Variants in GABRG2 observed in about 807,000 individuals in gnomAD.
The protein encoded by GABRG2 is gamma-aminobutyric acid type A receptor subunit gamma2.
A neutral mutation model predicts 56.4 loss-of-function variants in GABRG2; 16 were observed. That is an observed-to-expected ratio of 0.28 (90% CI 0.19 to 0.43). GABRG2 has a LOEUF of 0.43. Ranked by LOEUF, GABRG2 falls within the 20% of genes least tolerant of loss-of-function variation. The pLI is 1.00. For synonymous variants in GABRG2, 208 were observed against 205.5 expected (o/e 1.01, Z -0.10); for missense variants, 327 against 582.7 (o/e 0.56, Z 4.52).
At chr5:162,111,168 C>G (rs1480974789) in intron 6 of GABRG2, among the ~76,000 whole-genome samples, 1 of 151,968 alleles carries the variant, frequency 6.6e-6, no homozygotes, top group East Asian at 1.9e-4. Flanking sequence ...AATAAAATTT[C>G]AAAACAAATA....
intron 2 of GABRG2, 34 bp from the exon 3 acceptor site, chr5:162,095,461 C>T (rs550879305): frequency 1.3e-5 from 17 of 1,310,378 alleles, no homozygotes; most frequent in Non-Finnish European, 1.9e-5. Flanking sequence ...TTGCACCTCT[C>T]TATGTGCACA....
At chr5:162,112,172 A>G (rs1762295965) in intron 6 of GABRG2, among the ~76,000 whole-genome samples, 2 of 152,144 alleles carry the variant, frequency 1.3e-5, no homozygotes, top group African/African-American at 4.8e-5. Context: ...GAGAATATAT[A>G]ATGAAAGGTT....
At chr5:162,125,410 A>G (rs1385286954) in intron 6 of GABRG2, among the ~76,000 whole-genome samples, 3 of 143,426 alleles carry the variant, frequency 2.1e-5, no homozygotes, top group South Asian at 4.1e-4. Flanking sequence ...TCTGGATTCT[A>G]GTGGCTAAGT....
intron 6 of GABRG2, chr5:162,128,305 C>A (rs998303257): frequency 1.3e-5 from 2 of 151,872 alleles, no homozygotes; most frequent in Non-Finnish European, 2.9e-5. Context: ...TCATTCAACC[C>A]GCATTCAGCA....
intron 1 of GABRG2, among the ~76,000 whole-genome samples, chr5:162,092,967 T>G (rs1760720495): frequency 6.6e-6 from 1 of 152,018 alleles, no homozygotes; most frequent in Non-Finnish European, 1.5e-5. Flanking sequence ...CCTTGGGACT[T>G]GGGTTAGGGG....
intron 1 of GABRG2, among the ~76,000 whole-genome samples, chr5:162,068,924 G>A (rs1357263687): frequency 6.6e-6 from 1 of 152,112 alleles, no homozygotes; most frequent in East Asian, 1.9e-4. Flanking sequence ...ATATACGTCT[G>A]GAAAAGAGTT....
chr5:162,108,976 T>C (rs980357207), intron 6 of GABRG2, among the ~76,000 whole-genome samples: 1 of 152,174 alleles, frequency 6.6e-6, no homozygotes, highest in East Asian at 1.9e-4. Flanking sequence ...CATGTGTCTT[T>C]ATAGCAGCAT....
chr5:162,151,516 T>C (rs1765370159), intron 8 of GABRG2: 1 of 499,458 alleles, frequency 2.0e-6, no homozygotes, highest in Non-Finnish European at 3.5e-6. Flanking sequence ...TATTAAAAAT[T>C]TCACTAGTAA....
intron 4 of GABRG2, chr5:162,099,247 A>T (rs1290665440): frequency 6.6e-6 from 1 of 151,974 alleles, no homozygotes; most frequent in East Asian, 1.9e-4. Context: ...GAGATATAGT[A>T]ATGACTGAGT....
chr5:162,128,580 C>A (rs1262290962), intron 6 of GABRG2, among the ~76,000 whole-genome samples: 1 of 151,934 alleles, frequency 6.6e-6, no homozygotes, highest in East Asian at 1.9e-4. Flanking sequence ...ATAAATATTC[C>A]TCCATGCTGA....
Position 162,153,188 on chromosome 5 carries a change from T to C in GABRG2, c.1248T>C (p.Cys416=). 6.2e-7 allele frequency: 1 copy of C among 1,614,090 alleles called. No individual in the cohort carries two copies. Among genetic ancestry groups the C allele is most frequent in the Non-Finnish European group, 8.5e-7 (1 of 1,179,972 alleles). The change falls in exon 10 of 10, where the codon TGT becomes TGC. Residue 416 remains cysteine, a synonymous_variant. Coordinates refer to ENST00000639213, the MANE Select transcript of GABRG2 (RefSeq NM_198904.4). ...GAGATGAAGAGTACGGCTATGAGTGTCTGGACGGCAAGGACTGTGCCAGTT... is the reference window on the plus strand; with the variant it reads ...GAGATGAAGAGTACGGCTATGAGTGCCTGGACGGCAAGGACTGTGCCAGTT... ...QERDEEYGYE[C]LDGKDCASFF... is the part of the protein sequence containing the mutation.
intron 5 of GABRG2, chr5:162,102,300 T>C (rs1761483672): frequency 4.0e-6 from 1 of 251,682 alleles, no homozygotes; most frequent in African/African-American, 2.3e-5. Flanking sequence ...AAAGCTTCCC[T>C]GTGCTTTAGA....
intron 3 of GABRG2, among the ~76,000 whole-genome samples, chr5:162,095,881 C>T (rs997764021): frequency 2.0e-5 from 3 of 151,964 alleles, no homozygotes; most frequent in Non-Finnish European, 4.4e-5. Context: ...CTTATTAGAA[C>T]ATTGATAGTT....
In GABRG2 at chr5:162,137,172, G is replaced by A. The variant is rs975897788; in HGVS notation, c.770-4992G>A. Among the ~76,000 whole-genome samples the A allele has an allele frequency of 1.5e-4, 23 of 152,320 alleles. 1 individual carries two copies. The highest frequency in any genetic ancestry group is 5.3e-4 in the African/African-American group (22 of 41,576). ...CTCAGGGATTGGGATTCTGCCGAAA[G>A]ACTGAGTATTCTACCTAGACTTCTA... On this transcript the variant is annotated intron_variant, in intron 6 of 9. Transcript: ENST00000639213.
intron 6 of GABRG2, among the ~76,000 whole-genome samples, chr5:162,106,934 T>C (rs1465998903): frequency 6.6e-6 from 1 of 152,128 alleles, no homozygotes; most frequent in Non-Finnish European, 1.5e-5. Context: ...GGTTGTTGTA[T>C]GGATTATTTT....
chr5:162,120,343 C>T (rs1417102278), intron 6 of GABRG2, among the ~76,000 whole-genome samples: 1 of 152,000 alleles, frequency 6.6e-6, no homozygotes, highest in Admixed American at 6.6e-5. Context: ...GGGGTTCTTT[C>T]TGAGGCCTAG....
At position 162,097,649 on chromosome 5, in the gene GABRG2, T is replaced by C. The variant is rs1761097895; in HGVS notation, c.339T>C (p.Ile113=). Residue 113 remains isoleucine (I), a synonymous_variant, in exon 4 of 10, where the codon ATT becomes ATC. Coordinates refer to ENST00000639213, the MANE Select transcript of GABRG2 (RefSeq NM_198904.4). ...PVNAINMEYT[I]DIFFAQTWYD... ...TTTTATTAAAACAGGAATACACTATTGATATATTTTTTGCGCAAACGTGGT... is the reference window on the plus strand; with the variant it reads ...TTTTATTAAAACAGGAATACACTATCGATATATTTTTTGCGCAAACGTGGT... 3 of 1,610,212 alleles carry C rather than the reference T, an allele frequency of 1.9e-6. No homozygotes were observed. Among genetic ancestry groups the C allele is most frequent in the East Asian group, 2.2e-5 (1 of 44,812 alleles).
chr5:162,152,833 C>T, intron 9 of GABRG2: 1 of 595,342 alleles, frequency 1.7e-6, no homozygotes, highest in Non-Finnish European at 3.0e-6. Context: ...ACTTTGAGTT[C>T]TTTTGGTGTT....
intron 1 of GABRG2, among the ~76,000 whole-genome samples, chr5:162,074,823 C>A (rs2113139028): frequency 6.6e-6 from 1 of 152,120 alleles, no homozygotes; most frequent in Non-Finnish European, 1.5e-5. Flanking sequence ...CAAATTTCCC[C>A]AGGAATTTTC....
Sources: gnomAD v4.1 joint callset for allele counts (sites outside exome capture counted in the v4.1 genomes callset) on GRCh38, gnomAD v4.1.1 for gene constraint, MANE v1.5 for transcripts, NCBI Gene and HGNC (gene_info 2026-07-23, HGNC 2026-07-21) for gene names.